Variants in UCK1 observed in about 807,000 individuals in gnomAD.
The protein encoded by UCK1 is cytidine monophosphokinase 1.
UCK1 carries 20 observed loss-of-function variants against 34.0 expected under a neutral mutation model. That is an observed-to-expected ratio of 0.59 (90% CI 0.41 to 0.86). UCK1 has a LOEUF of 0.86. Ranked by LOEUF, UCK1 falls within the 40% of genes least tolerant of loss-of-function variation. UCK1 has a pLI of 0.00. For synonymous variants in UCK1, 168 were observed against 155.9 expected (o/e 1.08, Z -0.58); for missense variants, 343 against 383.6 (o/e 0.89, Z 0.88).
Position 131,530,736 on chromosome 9 carries a change from C to T in UCK1, c.109-91G>A, listed in dbSNP as rs1950806669. The T allele has an allele frequency of 2.5e-6, 4 of 1,611,666 alleles. No homozygotes were observed. In the East Asian group the frequency reaches 8.9e-5, roughly 36 times the overall value. On this transcript the variant is annotated intron_variant, in intron 1 of 6. Transcript: ENST00000372215. ...TCTGGAGACACTGACCCACCCGCCC[C>T]CTGGGGGGTATGCTCGGAAGGCGGG... is the stretch of plus-strand genomic sequence containing the variant.
Position 131,525,003 on chromosome 9 carries a change from G to A in UCK1, c.*37C>T. On this transcript the variant is annotated 3_prime_UTR_variant, in exon 7 of 7. Transcript: ENST00000372215. ...CCAGGCTCAGTCCCTGAACACACAT[G>A]CCGGGCGGGAGACCTGCCCTGAGGC... The A allele has an allele frequency of 6.3e-7, 1 of 1,592,782 alleles. No individual in the cohort carries two copies. The highest frequency in any genetic ancestry group is 1.7e-4 in the Middle Eastern group (1 of 5,962).
chr9:131,527,838 C>T (rs1459413345), intron 5 of UCK1, among the ~76,000 whole-genome samples: 1 of 151,690 alleles, frequency 6.6e-6, no homozygotes, highest in Admixed American at 6.6e-5. Context: ...GATTGCACCA[C>T]TGTACTCCAG....
At chr9:131,529,443 C>T in intron 3 of UCK1, 45 bp downstream of exon 3, 1 of 1,611,658 alleles carries the variant, frequency 6.2e-7, no homozygotes, top group Non-Finnish European at 8.5e-7. Flanking sequence ...AGGGGACGTC[C>T]TAGCTGGCCC....
intron 5 of UCK1, chr9:131,528,663 T>G (rs1950704080): frequency 8.1e-6 from 4 of 495,588 alleles, no homozygotes; most frequent in Non-Finnish European, 1.5e-5. Context: ...GGGTTTTCAG[T>G]GTTGAATGGG....
chr9:131,526,347 T>G, intron 5 of UCK1: 2 of 1,146,794 alleles, frequency 1.7e-6, no homozygotes, highest in Non-Finnish European at 2.4e-6. Flanking sequence ...ACATTGTTCC[T>G]CTGGAATCAT....
At chr9:131,527,652 G>A (rs1480626141) in intron 5 of UCK1, among the ~76,000 whole-genome samples, 1 of 151,924 alleles carries the variant, frequency 6.6e-6, no homozygotes, top group Non-Finnish European at 1.5e-5. Context: ...TGAGGTGGGA[G>A]GACCACTAGA....
Position 131,525,010 on chromosome 9 carries a change from G to T in UCK1, c.*30C>A, listed in dbSNP as rs746275098. 1 of 1,597,484 alleles carries T rather than the reference G, an allele frequency of 6.3e-7. No individual in the cohort carries two copies. The highest frequency in any genetic ancestry group is 1.7e-5 in the Admixed American group (1 of 58,516). On this transcript the variant is annotated 3_prime_UTR_variant, in exon 7 of 7. Transcript: ENST00000372215. ...CAGTCCCTGAACACACATGCCGGGCGGGAGACCTGCCCTGAGGCTCGGCAG... is the reference window on the plus strand; with the variant it reads ...CAGTCCCTGAACACACATGCCGGGCTGGAGACCTGCCCTGAGGCTCGGCAG...
chr9:131,530,469 T>C lies in UCK1; in HGVS notation c.268+17A>G, dbSNP rs567154702. Reference sequence around the variant, plus strand: ...AATGGGGTCTGCCCTCCCCACATCGTTGGGCTCGCGATTTACCTGGATGGT... The same window carrying C: ...AATGGGGTCTGCCCTCCCCACATCGCTGGGCTCGCGATTTACCTGGATGGT... On this transcript the variant is annotated intron_variant, in intron 2 of 6. Transcript: ENST00000372215. 16 of 1,613,294 alleles carry C rather than the reference T, an allele frequency of 9.9e-6. No individual in the cohort carries two copies. Among genetic ancestry groups the C allele is most frequent in the South Asian group, 2.2e-5 (2 of 91,074 alleles).
intron 3 of UCK1, 103 bp from the exon 4 acceptor site, chr9:131,529,373 G>C (rs930546491): frequency 5.6e-6 from 9 of 1,600,114 alleles, no homozygotes; most frequent in Non-Finnish European, 7.7e-6. Context: ...GGGAAGGGGT[G>C]GGGGACCCAC....
chr9:131,525,888 T>TGGGAG lies in UCK1; in HGVS notation c.652+36_652+40dup, dbSNP rs754243847. 7.7e-5 allele frequency: 124 copies of TGGGAG among 1,606,804 alleles called. No individual in the cohort carries two copies. The East Asian group carries it at 2.6e-3, about 34-fold the overall frequency. On this transcript the variant is annotated intron_variant, in intron 6 of 6. Coordinates refer to ENST00000372215, the MANE Select transcript of UCK1 (RefSeq NM_031432.5). ...GTGGAACTGTCCCTGCCTCAAGCTC[T>TGGGAG]GGGAGGGGCGGGGGGACAGCCCAGC...
Position 131,530,625 on chromosome 9 carries a change from G to T in UCK1, c.129C>A (p.Ile43=). The T allele has an allele frequency of 6.2e-7, 1 of 1,614,210 alleles. No homozygotes were observed. Among genetic ancestry groups the T allele is most frequent in the Non-Finnish European group, 8.5e-7 (1 of 1,180,032 alleles). The change falls in exon 2 of 7, where the codon ATC becomes ATA. Residue 43 remains isoleucine, a synonymous_variant. Coordinates refer to ENST00000372215, the MANE Select transcript of UCK1 (RefSeq NM_031432.5). ...CCTCGTTCTGTCCCAGCAACTCCAT[G>T]ATCTTCTCACACACGGTCGACTGGA... is the stretch of plus-strand genomic sequence containing the variant. The part of the protein sequence containing the change: ...ASGKSTVCEK[I]MELLGQNEVE...
At chr9:131,528,167 C>T (rs367580824) in intron 5 of UCK1, among the ~76,000 whole-genome samples, 14 of 55,340 alleles carry the variant, frequency 2.5e-4, no homozygotes, top group South Asian at 1.1e-3. Flanking sequence ...AAAAGAGACC[C>T]TATCTCAAAA....
chr9:131,528,992 C>A lies in UCK1; in HGVS notation c.555G>T (p.Thr185=). 1.9e-6 allele frequency: 3 copies of A among 1,614,116 alleles called. No individual in the cohort carries two copies. The highest frequency in any genetic ancestry group is 2.2e-5 in the South Asian group (2 of 91,082). The change falls in exon 5 of 7, where the codon ACG becomes ACT. Residue 185 remains threonine, a synonymous_variant. Transcript: ENST00000372215. ...CCGGCTTCACGAAGGTGGTGTACTG[C>A]GTCAGAATCTGCTCCAGGTCCCTCC... The part of the protein sequence containing the change: ...RRGRDLEQIL[T]QYTTFVKPAF...
chr9:131,524,758 C>T lies in UCK1; in HGVS notation c.*282G>A. The stretch of plus-strand genomic sequence containing the variant: ...CCTCACATTCCTCACAGAAGCCTCC[C>T]AGGCTTCCTGCACATTCTGTGGCAT... On this transcript the variant is annotated 3_prime_UTR_variant, in exon 7 of 7. Transcript: ENST00000372215. 2.7e-6 allele frequency: 1 copy of T among 366,578 alleles called. No individual in the cohort carries two copies. The highest frequency in any genetic ancestry group is 2.1e-5 in the African/African-American group (1 of 47,786). The allele number at this position is 366,578 out of a possible 1,614,324, so 22.7% of individuals were successfully genotyped here.
At chr9:131,528,654 G>A (rs1950703763) in intron 5 of UCK1, 1 of 489,340 alleles carries the variant, frequency 2.0e-6, no homozygotes, top group Non-Finnish European at 3.7e-6. Flanking sequence ...GGGTGCAGAG[G>A]GTTTTCAGTG....
chr9:131,526,012 C>A (rs757399983), intron 5 of UCK1, 35 bp from the exon 6 acceptor site: 1 of 1,613,090 alleles, frequency 6.2e-7, no homozygotes, highest in Non-Finnish European at 8.5e-7. Flanking sequence ...CCTGTGAGGA[C>A]TTTTCCTTCA....
rs1950719576 is a variant in UCK1, at chr9:131,528,984, G to A, written c.563C>T (p.Thr188Ile). The change falls in exon 5 of 7, where the codon ACC becomes ATC. Residue 188 changes from threonine to isoleucine, a missense_variant. By Grantham distance (89) the Thr-to-Ile change is moderately conservative. Coordinates refer to ENST00000372215, the MANE Select transcript of UCK1 (RefSeq NM_031432.5). Reference protein sequence around the residue: ...RDLEQILTQYTTFVKPAFEEF... With the variant: ...RDLEQILTQYITFVKPAFEEF... ...CTCGAAGGCCGGCTTCACGAAGGTG[G>A]TGTACTGCGTCAGAATCTGCTCCAG... 1 of 1,614,152 alleles carries A rather than the reference G, an allele frequency of 6.2e-7. No homozygotes were observed. Among genetic ancestry groups the A allele is most frequent in the Non-Finnish European group, 8.5e-7 (1 of 1,180,032 alleles).
chr9:131,525,335 GCCTGCGGCGAGGGGCAT>G, intron 6 of UCK1, 114 bp from the exon 7 acceptor site: 1 of 1,332,046 alleles, frequency 7.5e-7, no homozygotes, highest in Non-Finnish European at 1.0e-6. Context: ...CTGAGGCACA[GCCTGCGGCGAGGGGCAT>G]CGAGTCAAAT....
intron 1 of UCK1, 86 bp from the exon 2 acceptor site, chr9:131,530,731 C>T: frequency 1.2e-5 from 19 of 1,612,460 alleles, no homozygotes; most frequent in Non-Finnish European, 1.6e-5. Flanking sequence ...CTGACCCACC[C>T]GCCCCCTGGG....
Sources: gnomAD v4.1 joint callset for allele counts (sites outside exome capture counted in the v4.1 genomes callset) on GRCh38, gnomAD v4.1.1 for gene constraint, MANE v1.5 for transcripts, NCBI Gene and HGNC (gene_info 2026-07-23, HGNC 2026-07-21) for gene names.